The following VIPR2 variants were observed in gnomAD, a reference collection of about 807,000 sequenced individuals.
VIPR2 encodes the protein vasoactive intestinal polypeptide receptor 2.
VIPR2 carries 48 observed loss-of-function variants against 58.0 expected under a neutral mutation model. The ratio of observed to expected loss-of-function variants is 0.83; its 90% CI spans 0.66 to 1.05. The LOEUF (loss-of-function observed/expected upper bound fraction) is 1.05. Among genes scored for constraint, VIPR2 ranks in the 50% least tolerant of loss-of-function variants. The pLI is 0.00. For synonymous variants in VIPR2, 243 were observed against 235.2 expected, an observed-to-expected ratio of 1.03 and a Z score of -0.30; for missense variants, 534 against 558.0, an observed-to-expected ratio of 0.96 and a Z score of 0.43.
At position 159,144,730 on chromosome 7, in the gene VIPR2, C is replaced by T; in HGVS notation, c.42G>A (p.Leu14=). The T allele has an allele frequency of 7.5e-7, 1 of 1,325,486 alleles. No homozygotes were observed. 82.1% of individuals were successfully genotyped at this position (1,325,486 alleles called of 1,614,324 possible). A position where few individuals can be genotyped will look rare whatever the true frequency, so the allele number is the denominator to read the frequency against. Residue 14 remains leucine (L), a synonymous_variant, in exon 1 of 13, where the codon CTG becomes CTA. Coordinates refer to ENST00000262178, the MANE Select transcript of VIPR2 (RefSeq NM_003382.5). The part of the protein sequence containing the change: ...LLPPALLTCW[L]LAPVNSIHPE... The stretch of plus-strand genomic sequence containing the variant: ...TCGCGGGCGCACTCACGGGGGCGAG[C>T]AGCCAGCAGGTCAGCAGCGCGGGAG...
chr7:159,043,313 T>C (rs574946314), intron 5 of VIPR2, 137 bp from the exon 6 acceptor site: 11 of 746,938 alleles, frequency 1.5e-5, no homozygotes, highest in Middle Eastern at 4.3e-4. Flanking sequence ...ATGAAGCAGA[T>C]TTCACCATGA....
intron 1 of VIPR2, among the ~76,000 whole-genome samples, chr7:159,143,576 G>A (rs1483741509): frequency 6.6e-6 from 1 of 152,196 alleles, no homozygotes; most frequent in Non-Finnish European, 1.5e-5. Context: ...ATTTAAAAGA[G>A]CCCCGAGCTT....
At position 159,034,607 on chromosome 7, in the gene VIPR2, G is replaced by T. The variant is rs767254624; in HGVS notation, c.853C>A (p.Arg285=). The T allele has an allele frequency of 1.9e-6, 3 of 1,613,812 alleles. No homozygotes were observed. The highest frequency in any genetic ancestry group is 1.3e-5 in the African/African-American group (1 of 74,904). Residue 285 remains arginine (R), a synonymous_variant, in exon 9 of 13, where the codon CGA becomes AGA. Coordinates refer to ENST00000262178, the MANE Select transcript of VIPR2 (RefSeq NM_003382.5). The part of the protein sequence containing the change: ...NDHSVPWWVI[R]IPILISIIVN... Reference sequence around the variant, plus strand: ...ATGATGGAAATTAAAATCGGTATTCGTATGACCCACCAGGGCACACTGTGG... The same window carrying T: ...ATGATGGAAATTAAAATCGGTATTCTTATGACCCACCAGGGCACACTGTGG...
At chr7:159,116,308 C>T (rs960937838) in intron 2 of VIPR2, among the ~76,000 whole-genome samples, 20 of 152,222 alleles carry the variant, frequency 1.3e-4, no homozygotes, top group African/African-American at 4.8e-4. Flanking sequence ...CCACACATAA[C>T]CAGGAGCAAA....
At position 159,031,420 on chromosome 7, in the gene VIPR2, G is replaced by A. The variant is rs1005056143; in HGVS notation, c.1143+408C>T. 6.1e-6 allele frequency: 6 copies of A among 984,002 alleles called. No homozygotes were observed. In the African/African-American group the frequency reaches 1.0e-4, roughly 17 times the overall value. 61.0% of individuals were successfully genotyped at this position (984,002 alleles called of 1,614,324 possible). The stretch of plus-strand genomic sequence containing the variant: ...AACGCAGGGCAGAGCTCGGCTCCGG[G>A]CTTCCTCCCCAGGGACTCACAGGAC... On this transcript the variant is annotated intron_variant, in intron 12 of 12. Transcript: ENST00000262178. The surrounding 1 kb of genome is among the most constrained non-coding windows in gnomAD (Gnocchi z 4.0).
At position 159,096,988 on chromosome 7, in the gene VIPR2, T is replaced by A. The variant is rs1857894366; in HGVS notation, c.357+6769A>T. 3.2e-6 allele frequency: 5 copies of A among 1,550,602 alleles called. No individual in the cohort carries two copies. Among genetic ancestry groups the A allele is most frequent in the Middle Eastern group, 1.7e-4 (1 of 5,992 alleles). ...GGCCTGAGGACCATGAGGGGAGGCTTCCTTCAGAAAAGCTGCTGCTCTCAG... is the reference window on the plus strand; with the variant it reads ...GGCCTGAGGACCATGAGGGGAGGCTACCTTCAGAAAAGCTGCTGCTCTCAG... On this transcript the variant is annotated intron_variant, in intron 4 of 12. Transcript: ENST00000262178. This position sits in a 1 kb window ranked among gnomAD's most constrained non-coding sequence, Gnocchi z 5.5.
At chr7:159,103,694 G>A (rs1320973402) in intron 4 of VIPR2, 63 bp downstream of exon 4, 1 of 1,238,710 alleles carries the variant, frequency 8.1e-7, no homozygotes, top group East Asian at 2.3e-5. Flanking sequence ...AGGGCAGGAG[G>A]GGGCTTCTGG....
rs1204024625 is a variant in VIPR2, at chr7:159,095,872, C to T, written c.357+7885G>A. 6.6e-6 allele frequency among the ~76,000 whole-genome samples: 1 copy of T among 152,156 alleles called. No individual in the cohort carries two copies. The highest frequency in any genetic ancestry group is 2.4e-5 in the African/African-American group (1 of 41,422). On this transcript the variant is annotated intron_variant, in intron 4 of 12. Coordinates refer to ENST00000262178, the MANE Select transcript of VIPR2 (RefSeq NM_003382.5). The surrounding 1 kb of genome is among the most constrained non-coding windows in gnomAD (Gnocchi z 5.2). ...TAGAACCCTGAAATTTGGGTTTCCA[C>T]ACTTTCTTCAATACAGTTGTTTCTG...
chr7:159,047,535 G>T (rs1437961629), intron 5 of VIPR2, among the ~76,000 whole-genome samples: 1 of 30,862 alleles, frequency 3.2e-5, no homozygotes, highest in African/African-American at 6.4e-5. Context: ...TCCAGCTACT[G>T]CAAGGTCAAA....
intron 4 of VIPR2, among the ~76,000 whole-genome samples, chr7:159,075,972 AC>A (rs1193623322): frequency 6.6e-6 from 1 of 151,724 alleles, no homozygotes; most frequent in East Asian, 1.9e-4. Flanking sequence ...CAATCTCCAC[AC>A]CCTTTGTGTT....
At position 159,125,067 on chromosome 7, in the gene VIPR2, C is replaced by T. The variant is rs149693068; in HGVS notation, c.152-15148G>A. Among the ~76,000 whole-genome samples the T allele has an allele frequency of 1.9e-3, 284 of 152,294 alleles. 1 individual carries two copies. Among genetic ancestry groups the T allele is most frequent in the African/African-American group, 6.5e-3 (269 of 41,542 alleles). On this transcript the variant is annotated intron_variant, in intron 2 of 12. Transcript: ENST00000262178. ...CTATAGGGTTTTCTAGATATAGAAT[C>T]ATGTCATCTGCAAAAGGGGTAAGTT...
intron 5 of VIPR2, among the ~76,000 whole-genome samples, chr7:159,057,091 T>A (rs1417105442): frequency 1.3e-5 from 2 of 152,214 alleles, no homozygotes; most frequent in Non-Finnish European, 2.9e-5. Context: ...GCTGTACATA[T>A]GTGAAGGAAA....
chr7:159,111,548 T>C (rs1201295226), intron 2 of VIPR2, among the ~76,000 whole-genome samples: 2 of 151,680 alleles, frequency 1.3e-5, no homozygotes, highest in East Asian at 3.9e-4. Flanking sequence ...GGTGTGGTGG[T>C]ACACACCTGT....
chr7:159,095,267 C>G lies in VIPR2; in HGVS notation c.357+8490G>C, dbSNP rs1353817143. Among the ~76,000 whole-genome samples the G allele has an allele frequency of 1.3e-5, 2 of 152,170 alleles. No individual in the cohort carries two copies. Among genetic ancestry groups the G allele is most frequent in the African/African-American group, 4.8e-5 (2 of 41,430 alleles). On this transcript the variant is annotated intron_variant, in intron 4 of 12. Coordinates refer to ENST00000262178, the MANE Select transcript of VIPR2 (RefSeq NM_003382.5). This position sits in a 1 kb window ranked among gnomAD's most constrained non-coding sequence, Gnocchi z 5.2. Reference sequence around the variant, plus strand: ...CTACTGAAGAGATTTAAGAGACCAGCCCTGCTTTTAGGGGATTCCTAACAT... The same window carrying G: ...CTACTGAAGAGATTTAAGAGACCAGGCCTGCTTTTAGGGGATTCCTAACAT...
At chr7:159,130,975 A>C (rs1028823649) in intron 2 of VIPR2, among the ~76,000 whole-genome samples, 1 of 152,198 alleles carries the variant, frequency 6.6e-6, no homozygotes, top group Non-Finnish European at 1.5e-5. Context: ...CGTGCTCTGG[A>C]CATGGCATCC....
intron 3 of VIPR2, among the ~76,000 whole-genome samples, chr7:159,107,817 C>T (rs1795819939): frequency 1.3e-5 from 2 of 152,184 alleles, no homozygotes; most frequent in Admixed American, 6.5e-5. Context: ...CCCAGGGTCC[C>T]GCCTGGCACA....
intron 1 of VIPR2, 136 bp downstream of exon 1, chr7:159,144,585 C>T (rs1797614984): frequency 5.7e-6 from 8 of 1,399,866 alleles, no homozygotes; most frequent in Non-Finnish European, 7.5e-6. Flanking sequence ...CCCCGGGCGA[C>T]CCCGCTCCCT....
intron 5 of VIPR2, 27 bp downstream of exon 5, chr7:159,058,454 G>A (rs2129494008): frequency 6.3e-7 from 1 of 1,589,878 alleles, no homozygotes; most frequent in Non-Finnish European, 8.6e-7. Context: ...TGTATTCTTT[G>A]CAGAATTACT....
chr7:159,084,551 C>T (rs1024468625), intron 4 of VIPR2, among the ~76,000 whole-genome samples: 4 of 152,202 alleles, frequency 2.6e-5, no homozygotes, highest in African/African-American at 9.6e-5. Context: ...GCGCCGGGCA[C>T]GGGATTCAGG....
Sources: allele counts gnomAD v4.1 joint callset (sites outside exome capture counted in the v4.1 genomes callset), GRCh38; gene constraint gnomAD v4.1.1; non-coding constraint Gnocchi (gnomAD v3.1); transcripts MANE v1.5; gene names NCBI Gene and HGNC (gene_info 2026-07-23, HGNC 2026-07-21).